The following KLRG1 variants were observed in gnomAD, a reference collection of about 807,000 sequenced individuals.
KLRG1 encodes the protein killer cell lectin like receptor G1.
A neutral mutation model predicts 21.8 loss-of-function variants in KLRG1; 16 were observed. The observed-to-expected ratio is 0.73, with a 90% CI of 0.50 to 1.11. The LOEUF (loss-of-function observed/expected upper bound fraction) is 1.11, where lower values mean the gene tolerates loss of function less well. Among genes scored for constraint, KLRG1 ranks in the 50% most tolerant of loss-of-function variants. The probability of loss-of-function intolerance (pLI) is 0.00; values close to 1 mark genes in which losing one functional copy is unlikely to be tolerated. For missense variants in KLRG1, 173 were observed against 218.3 expected, an observed-to-expected ratio of 0.79 and a Z score of 1.31; for synonymous variants, 69 against 75.9, an observed-to-expected ratio of 0.91 and a Z score of 0.47.
chr12:9,136,545 A>T, the KLRG1 span, among the ~76,000 whole-genome samples: 1 of 152,186 alleles, frequency 6.6e-6, no homozygotes, highest in Non-Finnish European at 1.5e-5. Flanking sequence ...GTGTGCATAT[A>T]TATATGCATG....
chr12:8,971,898 G>T (rs2137256415), intron 1 of KLRG1, among the ~76,000 whole-genome samples: 2 of 152,278 alleles, frequency 1.3e-5, no homozygotes, highest in South Asian at 4.1e-4. Flanking sequence ...ATATATTTTG[G>T]ATATTAACCC....
chr12:9,126,878 G>A, the KLRG1 span, among the ~76,000 whole-genome samples: 1 of 152,296 alleles, frequency 6.6e-6, no homozygotes, highest in East Asian at 1.9e-4. Context: ...ATGCTGAAGT[G>A]TATTAGACTT....
At chr12:9,132,436 A>AAG in the KLRG1 span, among the ~76,000 whole-genome samples, 1 of 152,160 alleles carries the variant, frequency 6.6e-6, no homozygotes, top group Non-Finnish European at 1.5e-5. Context: ...GATTAGGCTA[A>AAG]AGAGAGAGAG....
At chr12:9,029,248 T>C in the KLRG1 span, among the ~76,000 whole-genome samples, 40 of 152,322 alleles carry the variant, frequency 2.6e-4, 1 homozygote, top group South Asian at 5.6e-3. Context: ...GGAGTTTCAC[T>C]CTTGTTGCCC....
the KLRG1 span, chr12:9,152,776 C>T: frequency 6.3e-7 from 1 of 1,575,748 alleles, no homozygotes; most frequent in Non-Finnish European, 8.6e-7. Context: ...CTGTTAATTC[C>T]AAGTTGCTTT....
chr12:9,148,977 C>T, the KLRG1 span: 4 of 1,610,900 alleles, frequency 2.5e-6, no homozygotes, highest in Admixed American at 1.7e-5. Flanking sequence ...GGTCCTCAAA[C>T]ATTTCCATGC....
At chr12:9,139,740 A>T in the KLRG1 span, among the ~76,000 whole-genome samples, 2 of 152,186 alleles carry the variant, frequency 1.3e-5, no homozygotes, top group African/African-American at 4.8e-5. Flanking sequence ...ATATAAGTGT[A>T]GCCACTCCTC....
chr12:8,958,702 T>G (rs989704043), intron 1 of KLRG1, among the ~76,000 whole-genome samples: 12 of 151,978 alleles, frequency 7.9e-5, no homozygotes, highest in African/African-American at 2.9e-4. Flanking sequence ...CAAAAAAACC[T>G]AAGAATTAGC....
chr12:9,076,858 C>T, the KLRG1 span: 1 of 1,613,724 alleles, frequency 6.2e-7, no homozygotes, highest in South Asian at 1.1e-5. Context: ...TTGGTATATA[C>T]ATGGCTGCCA....
chr12:9,012,852 G>A (rs1409547590), downstream of KLRG1, among the ~76,000 whole-genome samples: 1 of 151,990 alleles, frequency 6.6e-6, no homozygotes, highest in Admixed American at 6.6e-5. Flanking sequence ...GGGCCTTGAG[G>A]GAACATTAGT....
At chr12:9,165,180 G>A in the KLRG1 span, 1 of 1,614,116 alleles carries the variant, frequency 6.2e-7, no homozygotes, top group Non-Finnish European at 8.5e-7. Flanking sequence ...GTGGCCTTGA[G>A]TGTGAAGACC....
At chr12:8,985,443 C>T (rs771763757), upstream of KLRG1, among the ~76,000 whole-genome samples, 9 of 152,198 alleles carry the variant, frequency 5.9e-5, no homozygotes, top group East Asian at 5.8e-4. Flanking sequence ...AATTCAATTC[C>T]GACATTATCT....
At chr12:9,080,379 T>A in the KLRG1 span, 2 of 380,444 alleles carry the variant, frequency 5.3e-6, no homozygotes, top group South Asian at 7.8e-5. Flanking sequence ...TCTTCTTCAA[T>A]GATCTTTTCA....
At chr12:9,192,233 G>C in the KLRG1 span, 1 of 1,614,050 alleles carries the variant, frequency 6.2e-7, no homozygotes, top group South Asian at 1.1e-5. Context: ...TTCCAGATCT[G>C]ACGATGACTC....
chr12:8,964,731 GCATATA>G (rs1227265560), intron 1 of KLRG1, among the ~76,000 whole-genome samples: 1 of 150,666 alleles, frequency 6.6e-6, no homozygotes, highest in African/African-American at 2.4e-5. Flanking sequence ...TGTATTGGGT[GCATATA>G]TATTTAGGAT....
At chr12:9,190,990 T>C in the KLRG1 span, among the ~76,000 whole-genome samples, 1 of 151,944 alleles carries the variant, frequency 6.6e-6, no homozygotes, top group African/African-American at 2.4e-5. Context: ...TATTAAAATA[T>C]GTGGTTAAAA....
the KLRG1 span, among the ~76,000 whole-genome samples, chr12:9,076,521 G>A: frequency 3.9e-5 from 6 of 152,200 alleles, no homozygotes; most frequent in Admixed American, 1.3e-4. Context: ...CAATGAGTTT[G>A]TCAGGATATA....
chr12:8,978,436 A>G (rs2137278517), intron 1 of KLRG1, among the ~76,000 whole-genome samples: 1 of 152,318 alleles, frequency 6.6e-6, no homozygotes, highest in Middle Eastern at 3.4e-3. Context: ...TTGGTCTCCC[A>G]AAGTCCTGGA....
Position 8,998,675 on chromosome 12 carries a change from C to G in KLRG1, c.357+3387C>G, listed in dbSNP as rs554633906. Among the ~76,000 whole-genome samples, 22 of 134,298 alleles carry G rather than the reference C, an allele frequency of 1.6e-4. 1 individual carries two copies. In the South Asian group the frequency reaches 5.4e-3, roughly 33 times the overall value. The allele number at this position is 134,298 out of a possible 152,430, so 88.1% of individuals were successfully genotyped here. ...CTGCACTCCAGCCTGGGCAACAGAG[C>G]GAGACTCTGTCTCAAAAAAAAAAAA... On this transcript the variant is annotated intron_variant, in intron 3 of 4. Transcript: ENST00000356986.
Sources: gnomAD v4.1 joint callset for allele counts (sites outside exome capture counted in the v4.1 genomes callset) on GRCh38, gnomAD v4.1.1 for gene constraint, MANE v1.5 for transcripts, NCBI Gene and HGNC (gene_info 2026-07-23, HGNC 2026-07-21) for gene names.